The following MMS22L variants were observed in gnomAD, a reference collection of about 807,000 sequenced individuals.
The protein encoded by MMS22L is protein MMS22-like.
In MMS22L, 74 loss-of-function variants were observed where a neutral mutation model predicts 159.1. The ratio of observed to expected loss-of-function variants is 0.47; its 90% CI spans 0.39 to 0.56. MMS22L has a LOEUF of 0.56. MMS22L is among the 20% of genes least tolerant of loss of function. The pLI is 0.00. For missense variants in MMS22L, 1,351 were observed against 1,422.1 expected (o/e 0.95, Z 0.80); for synonymous variants, 517 against 506.9 (o/e 1.02, Z -0.27).
At chr6:97,151,212 G>T (rs575569589) in intron 23 of MMS22L, among the ~76,000 whole-genome samples, 7 of 152,288 alleles carry the variant, frequency 4.6e-5, no homozygotes, top group African/African-American at 1.7e-4. Flanking sequence ...CAGATAGCAT[G>T]TACAATGGTA....
At chr6:97,216,555 C>T (rs574000844) in intron 14 of MMS22L, among the ~76,000 whole-genome samples, 1 of 152,124 alleles carries the variant, frequency 6.6e-6, no homozygotes, top group Non-Finnish European at 1.5e-5. Flanking sequence ...TTAACCTATT[C>T]CATAGTCAGA....
At chr6:97,165,144 C>T (rs1802831094) in intron 21 of MMS22L, 102 bp downstream of exon 21, 3 of 927,114 alleles carry the variant, frequency 3.2e-6, no homozygotes, top group East Asian at 5.1e-5. Context: ...TTCTGAACTA[C>T]TAGTATCCTA....
Position 97,231,659 on chromosome 6 carries a change from G to A in MMS22L, c.1303-7C>T, listed in dbSNP as rs376052683. The A allele has an allele frequency of 6.7e-7, 1 of 1,498,338 alleles. No homozygotes were observed. Among genetic ancestry groups the A allele is most frequent in the Non-Finnish European group, 9.1e-7 (1 of 1,104,100 alleles). The allele number at this position is 1,498,338 out of a possible 1,614,324, so 92.8% of individuals were successfully genotyped here. On this transcript the variant is annotated splice_region_variant and splice_polypyrimidine_tract_variant and intron_variant, in intron 12 of 24. Coordinates refer to ENST00000683635, the MANE Select transcript of MMS22L (RefSeq NM_001350599.2). ...AAATACTGAAGGAACTATTCTAAAA[G>A]GGGGGAAAAAAAAGATAGAAAACAA...
chr6:97,215,114 A>ATATATATATATATATATT (rs1209431095), intron 14 of MMS22L, among the ~76,000 whole-genome samples: 1 of 87,190 alleles, frequency 1.1e-5, no homozygotes, highest in African/African-American at 3.5e-5. Flanking sequence ...ATATATATAT[A>ATATATATATATATATATT]TTTTTTTTTT....
Position 97,186,608 on chromosome 6 carries a change from G to A in MMS22L, c.2122C>T (p.Arg708Cys), listed in dbSNP as rs1024158565. ...GCACTGGCAACTGCAGCAAGGTGGC[G>A]CTCTTTAGCCGATAATGAAGACTGT... ...FVQSSLSAKE[R>C]HLAAVASALW... The change falls in exon 15 of 25, where the codon CGC becomes TGC. Residue 708 changes from arginine (R) to cysteine (C), a missense_variant. Physicochemically the swap from Arg to Cys is radical, Grantham distance 180. Transcript: ENST00000683635. 3.7e-6 allele frequency: 6 copies of A among 1,611,576 alleles called. No individual in the cohort carries two copies. Among genetic ancestry groups the A allele is most frequent in the African/African-American group, 1.3e-5 (1 of 74,760 alleles).
intron 4 of MMS22L, among the ~76,000 whole-genome samples, chr6:97,276,056 C>T (rs1816214307): frequency 6.6e-6 from 1 of 152,086 alleles, no homozygotes; most frequent in Non-Finnish European, 1.5e-5. Context: ...GTCAGCAAAA[C>T]ATGTCATTAA....
chr6:97,199,072 T>C (rs1806852702), intron 14 of MMS22L, among the ~76,000 whole-genome samples: 2 of 152,144 alleles, frequency 1.3e-5, no homozygotes, highest in Admixed American at 1.3e-4. Context: ...TCGAAAACAG[T>C]AGTACATAGT....
In MMS22L at chr6:97,282,484, CT is replaced by C. The variant is rs1562537712; in HGVS notation, c.-8del. On this transcript the variant is annotated 5_prime_UTR_variant, in exon 2 of 25. It introduces an in-frame stop codon into an upstream open reading frame of the 5' UTR. Transcript: ENST00000683635. ...CAGCAGAACAGTTCTCCATTGTTTA[CT>C]TCATGTTCTGAAACACTTGGGGTTC... is the stretch of plus-strand genomic sequence containing the variant. The C allele has an allele frequency of 6.4e-7, 1 of 1,554,070 alleles. No individual in the cohort carries two copies. The highest frequency in any genetic ancestry group is 2.5e-5 in the East Asian group (1 of 40,714).
At chr6:97,202,367 T>C (rs1807270211) in intron 14 of MMS22L, among the ~76,000 whole-genome samples, 1 of 152,180 alleles carries the variant, frequency 6.6e-6, no homozygotes, top group Non-Finnish European at 1.5e-5. Context: ...TACCTTTAAA[T>C]ATGGCAATGG....
At chr6:97,245,013 T>G (rs529108693) in intron 11 of MMS22L, among the ~76,000 whole-genome samples, 44 of 152,172 alleles carry the variant, frequency 2.9e-4, no homozygotes, top group African/African-American at 1.0e-3. Context: ...CCAGCTCCCA[T>G]GCAGCCAGCA....
At chr6:97,235,613 C>T (rs1811311874) in intron 11 of MMS22L, among the ~76,000 whole-genome samples, 1 of 152,088 alleles carries the variant, frequency 6.6e-6, no homozygotes, top group South Asian at 2.1e-4. Context: ...TCAGAGGTTA[C>T]AAAAAGAAGA....
chr6:97,163,851 G>C (rs1415500012), intron 21 of MMS22L, among the ~76,000 whole-genome samples: 3 of 151,956 alleles, frequency 2.0e-5, no homozygotes, highest in Non-Finnish European at 4.4e-5. Context: ...GACATAGGGA[G>C]GTATGAGGCA....
chr6:97,251,559 C>A (rs892236089), intron 10 of MMS22L, among the ~76,000 whole-genome samples: 1 of 152,152 alleles, frequency 6.6e-6, no homozygotes, highest in Non-Finnish European at 1.5e-5. Flanking sequence ...ATATATTACA[C>A]ATCCTCATCA....
Position 97,229,316 on chromosome 6 carries a change from T to G in MMS22L, c.1617A>C (p.Ala539=). Residue 539 remains alanine, a synonymous_variant, in exon 14 of 25, where the codon GCA becomes GCC. Coordinates refer to ENST00000683635, the MANE Select transcript of MMS22L (RefSeq NM_001350599.2). ...CAACATCTTCTACCTCTGCAACAGC[T>G]GCTAACAGTAGAAAAAGGCTAAAAA... ...QNFFSLFLLL[A]AVAEVEDVAS... The G allele has an allele frequency of 6.2e-7, 1 of 1,614,000 alleles. No individual in the cohort carries two copies. Among genetic ancestry groups the G allele is most frequent in the East Asian group, 2.2e-5 (1 of 44,878 alleles).
intron 20 of MMS22L, among the ~76,000 whole-genome samples, chr6:97,167,321 A>G (rs1210342892): frequency 6.6e-6 from 1 of 152,150 alleles, no homozygotes; most frequent in Admixed American, 6.6e-5. Context: ...ACAACACTCA[A>G]TTAGCAAGTA....
chr6:97,267,585 C>T (rs1040542854), intron 8 of MMS22L: 3 of 171,866 alleles, frequency 1.7e-5, no homozygotes, highest in Non-Finnish European at 3.5e-5. Flanking sequence ...CCAGTGATTT[C>T]GGTAAACATC....
At chr6:97,194,250 G>T (rs1397058793) in intron 14 of MMS22L, among the ~76,000 whole-genome samples, 2 of 151,584 alleles carry the variant, frequency 1.3e-5, no homozygotes, top group African/African-American at 2.4e-5. Flanking sequence ...TAAAGACGGG[G>T]TTTCATCATG....
chr6:97,182,722 G>A (rs762049990), intron 15 of MMS22L, among the ~76,000 whole-genome samples: 36 of 152,030 alleles, frequency 2.4e-4, no homozygotes, highest in Non-Finnish European at 2.1e-4. Flanking sequence ...CCCACTCCCC[G>A]TATACCACTT....
At chr6:97,215,109 TATATA>T (rs891064379) in intron 14 of MMS22L, among the ~76,000 whole-genome samples, 2 of 80,556 alleles carry the variant, frequency 2.5e-5, no homozygotes, top group Admixed American at 1.1e-4. Flanking sequence ...TATATATATA[TATATA>T]TTTTTTTTTT....
Sources: allele counts gnomAD v4.1 joint callset (sites outside exome capture counted in the v4.1 genomes callset), GRCh38; gene constraint gnomAD v4.1.1; transcripts MANE v1.5; gene names NCBI Gene and HGNC (gene_info 2026-07-23, HGNC 2026-07-21).